LDB2: variants seen among roughly 807,000 people sequenced by gnomAD.
LDB2 encodes the protein LIM domain binding 2.
In LDB2, 12 loss-of-function variants were observed where a neutral mutation model predicts 44.3. The observed-to-expected ratio is 0.27, with a 90% confidence interval of 0.17 to 0.44. The LOEUF (loss-of-function observed/expected upper bound fraction) is 0.44, where lower values mean the gene tolerates loss of function less well. Among genes scored for constraint, LDB2 ranks in the 20% least tolerant of loss-of-function variants. LDB2 has a pLI of 1.00. For missense variants in LDB2, 344 were observed against 473.5 expected, an observed-to-expected ratio of 0.73 and a Z score of 2.54; for synonymous variants, 164 against 174.8, an observed-to-expected ratio of 0.94 and a Z score of 0.49.
At chr4:16,754,759 T>C (rs1269140018) in intron 2 of LDB2, among the ~76,000 whole-genome samples, 1 of 152,214 alleles carries the variant, frequency 6.6e-6, no homozygotes, top group Non-Finnish European at 1.5e-5. Context: ...CTTGGACTCC[T>C]GACCTCAGGT....
At chr4:16,571,406 G>A (rs1746482748) in intron 5 of LDB2, among the ~76,000 whole-genome samples, 1 of 151,580 alleles carries the variant, frequency 6.6e-6, no homozygotes. Context: ...CTTAAGCCCT[G>A]AGTAGTTTTT....
In LDB2 at chr4:16,747,411, G is replaced by A. The variant is rs186222678; in HGVS notation, c.235+11747C>T. The stretch of plus-strand genomic sequence containing the variant: ...TTATTTACATAATCAGTGAAACACC[G>A]TTTATCATTTCTTTTATGGTCCTAT... On this transcript the variant is annotated intron_variant, in intron 2 of 7. Transcript: ENST00000304523. Among the ~76,000 whole-genome samples the A allele has an allele frequency of 7.9e-4, 121 of 152,268 alleles. No homozygotes were observed. In the East Asian group the frequency reaches 0.021, roughly 26 times the overall value.
intron 2 of LDB2, among the ~76,000 whole-genome samples, chr4:16,659,134 C>G (rs911969061): frequency 1.3e-5 from 2 of 152,174 alleles, no homozygotes; most frequent in African/African-American, 4.8e-5. Context: ...CTTACATATA[C>G]GAAGGTTCTG....
chr4:16,827,877 C>T (rs780432057), intron 1 of LDB2, among the ~76,000 whole-genome samples: 21 of 152,160 alleles, frequency 1.4e-4, no homozygotes, highest in Non-Finnish European at 2.5e-4. Flanking sequence ...CCTCCCGACC[C>T]TTTCAGGATT....
At chr4:16,546,745 CT>C (rs1735908227) in intron 5 of LDB2, among the ~76,000 whole-genome samples, 1 of 152,216 alleles carries the variant, frequency 6.6e-6, no homozygotes, top group Admixed American at 6.5e-5. Context: ...GGTATTTAAC[CT>C]TGCTGTCCAT....
chr4:16,700,931 A>G (rs1169526711), intron 2 of LDB2, among the ~76,000 whole-genome samples: 1 of 152,232 alleles, frequency 6.6e-6, no homozygotes, highest in Non-Finnish European at 1.5e-5. Flanking sequence ...ACTAATATAA[A>G]TAGCTCTCAT....
intron 2 of LDB2, among the ~76,000 whole-genome samples, chr4:16,689,512 T>A (rs549180333): frequency 6.6e-6 from 1 of 152,086 alleles, no homozygotes; most frequent in Non-Finnish European, 1.5e-5. Flanking sequence ...TATGGTGGAG[T>A]CTTTGTGGTA....
chr4:16,541,173 G>A (rs931137635), intron 5 of LDB2, among the ~76,000 whole-genome samples: 4 of 152,142 alleles, frequency 2.6e-5, no homozygotes, highest in African/African-American at 9.7e-5. Context: ...ATAATCCCCA[G>A]TACTGGAGGT....
In LDB2 at chr4:16,686,364, TGG is replaced by T. The variant is rs576590374; in HGVS notation, c.235+72792_235+72793del. Among the ~76,000 whole-genome samples the T allele has an allele frequency of 7.9e-5, 12 of 152,328 alleles. No individual in the cohort carries two copies. The South Asian group carries it at 2.5e-3, about 32-fold the overall frequency. ...AATCTTGTATAATCATGATCCAAAGTGGGTGGTATTACTCTCATTCTTACTGA... is the reference window on the plus strand; with the variant it reads ...AATCTTGTATAATCATGATCCAAAGTGTGGTATTACTCTCATTCTTACTGA... On this transcript the variant is annotated intron_variant, in intron 2 of 7. Coordinates refer to ENST00000304523, the MANE Select transcript of LDB2 (RefSeq NM_001290.5).
chr4:16,560,655 G>C (rs1205467350), intron 5 of LDB2, among the ~76,000 whole-genome samples: 21 of 152,110 alleles, frequency 1.4e-4, no homozygotes, highest in East Asian at 3.9e-4. Context: ...GGAACTGGTA[G>C]CATTCCTTCT....
intron 1 of LDB2, among the ~76,000 whole-genome samples, chr4:16,886,614 A>C (rs904555923): frequency 3.3e-5 from 5 of 152,224 alleles, no homozygotes; most frequent in African/African-American, 1.2e-4. Flanking sequence ...AAACCAAAAA[A>C]GGAGACATGT....
intron 2 of LDB2, among the ~76,000 whole-genome samples, chr4:16,662,093 T>A (rs1403536814): frequency 1.3e-5 from 2 of 152,198 alleles, no homozygotes; most frequent in Admixed American, 6.5e-5. Context: ...AACTCAGCAT[T>A]AATTCTATGC....
intron 1 of LDB2, among the ~76,000 whole-genome samples, chr4:16,787,649 A>G (rs1774753713): frequency 6.6e-6 from 1 of 152,148 alleles, no homozygotes; most frequent in African/African-American, 2.4e-5. Context: ...AAGATGAACT[A>G]TAAGCAAAAC....
At chr4:16,522,869 G>A (rs950953907) in intron 5 of LDB2, among the ~76,000 whole-genome samples, 1 of 152,176 alleles carries the variant, frequency 6.6e-6, no homozygotes, top group Non-Finnish European at 1.5e-5. Flanking sequence ...CATCTGCCTG[G>A]AAATACACCA....
intron 2 of LDB2, among the ~76,000 whole-genome samples, chr4:16,644,941 C>T (rs1736280785): frequency 6.6e-6 from 1 of 152,134 alleles, no homozygotes; most frequent in South Asian, 2.1e-4. Flanking sequence ...TTTAGGTAAC[C>T]TCATTTGCTC....
chr4:16,759,747 T>C (rs1254074850), intron 1 of LDB2, among the ~76,000 whole-genome samples: 1 of 152,164 alleles, frequency 6.6e-6, no homozygotes, highest in Non-Finnish European at 1.5e-5. Context: ...CTATAAAAGA[T>C]ACAGGTACAG....
chr4:16,737,618 G>A (rs1467988661), intron 2 of LDB2, among the ~76,000 whole-genome samples: 2 of 152,026 alleles, frequency 1.3e-5, no homozygotes, highest in Non-Finnish European at 2.9e-5. Context: ...GGCATTAAAA[G>A]GGACATAAAA....
chr4:16,884,578 TC>T (rs1473701358), intron 1 of LDB2, among the ~76,000 whole-genome samples: 2 of 152,132 alleles, frequency 1.3e-5, no homozygotes, highest in African/African-American at 4.8e-5. Flanking sequence ...AAACACCCTT[TC>T]CACCACCCTT....
chr4:16,721,241 C>A (rs910256475), intron 2 of LDB2, among the ~76,000 whole-genome samples: 18 of 152,112 alleles, frequency 1.2e-4, no homozygotes, highest in African/African-American at 4.3e-4. Context: ...GATCTATAAA[C>A]AGGCACACAA....
Sources: gnomAD v4.1 joint callset for allele counts (sites outside exome capture counted in the v4.1 genomes callset) on GRCh38, gnomAD v4.1.1 for gene constraint, MANE v1.5 for transcripts, NCBI Gene and HGNC (gene_info 2026-07-23, HGNC 2026-07-21) for gene names.